Variants in LRRTM4 observed in about 807,000 individuals in gnomAD.
LRRTM4 encodes the protein leucine rich repeat transmembrane neuronal 4, also known as leucine-rich repeat transmembrane neuronal protein 4.
Under a neutral mutation model 47.6 loss-of-function variants are expected in LRRTM4, and 25 were observed. That is an observed-to-expected ratio of 0.53 (90% confidence interval 0.38 to 0.73). The LOEUF (loss-of-function observed/expected upper bound fraction) is 0.73. LRRTM4 is among the 30% of genes least tolerant of loss of function. LRRTM4 has a pLI of 0.00. For synonymous variants in LRRTM4, 311 were observed against 269.5 expected, an observed-to-expected ratio of 1.15 and a Z score of -1.51; for missense variants, 638 against 713.4, an observed-to-expected ratio of 0.89 and a Z score of 1.20.
intron 3 of LRRTM4, among the ~76,000 whole-genome samples, chr2:76,797,675 T>G (rs1249489550): frequency 6.6e-6 from 1 of 151,366 alleles, no homozygotes; most frequent in Admixed American, 6.6e-5. Flanking sequence ...ACTGGCAAAT[T>G]GGATAAAGAG....
At position 77,310,927 on chromosome 2, in the gene LRRTM4, CA is replaced by C. The variant is rs201523928; in HGVS notation, c.1551+207390del. 2.2e-4 allele frequency among the ~76,000 whole-genome samples: 34 copies of C among 151,948 alleles called. No individual in the cohort carries two copies. In the East Asian group the frequency reaches 6.2e-3, roughly 28 times the overall value. On this transcript the variant is annotated intron_variant, in intron 3 of 3. Coordinates refer to ENST00000409884, the MANE Select transcript of LRRTM4 (RefSeq NM_001134745.3). ...TGTGAGATATATTTACACACATACACACACATATATATAGAGAGAATATTAT... is the reference window on the plus strand; with the variant it reads ...TGTGAGATATATTTACACACATACACCACATATATATAGAGAGAATATTAT...
At chr2:76,902,297 G>C (rs1055231266) in intron 3 of LRRTM4, among the ~76,000 whole-genome samples, 1 of 152,000 alleles carries the variant, frequency 6.6e-6, no homozygotes, top group African/African-American at 2.4e-5. Context: ...GAAATCATTT[G>C]TGTTTTTCCC....
At chr2:76,821,105 G>A (rs757167481) in intron 3 of LRRTM4, among the ~76,000 whole-genome samples, 1 of 151,710 alleles carries the variant, frequency 6.6e-6, no homozygotes, top group Non-Finnish European at 1.5e-5. Context: ...AAAACCATAA[G>A]AGGGAGAGTG....
At position 76,991,187 on chromosome 2, in the gene LRRTM4, G is replaced by C. The variant is rs529885708; in HGVS notation, c.1552-242271C>G. Among the ~76,000 whole-genome samples the C allele has an allele frequency of 7.9e-5, 12 of 151,690 alleles. 1 individual carries two copies. The East Asian group carries it at 2.3e-3, about 29-fold the overall frequency. On this transcript the variant is annotated intron_variant, in intron 3 of 3. Coordinates refer to ENST00000409884, the MANE Select transcript of LRRTM4 (RefSeq NM_001134745.3). ...TTTTAGTCATAGATGCCTACATCAA[G>C]AAGTTAGAAAGATCTCAAATTAATG...
At chr2:77,386,256 A>C (rs1435067217) in intron 3 of LRRTM4, among the ~76,000 whole-genome samples, 2 of 152,198 alleles carry the variant, frequency 1.3e-5, no homozygotes, top group Admixed American at 1.3e-4. Context: ...TGATTTTATA[A>C]ATTTATACAT....
chr2:76,947,545 A>C (rs1487390391), intron 3 of LRRTM4, among the ~76,000 whole-genome samples: 1 of 151,816 alleles, frequency 6.6e-6, no homozygotes. Context: ...ATGTATGTTA[A>C]ACTCCATCTT....
At chr2:77,103,482 G>A (rs961816903) in intron 3 of LRRTM4, among the ~76,000 whole-genome samples, 11 of 151,828 alleles carry the variant, frequency 7.2e-5, no homozygotes, top group African/African-American at 2.4e-4. Flanking sequence ...GCACTTGTTC[G>A]CTGAGCATGT....
chr2:77,068,838 G>C (rs928135597), intron 3 of LRRTM4, among the ~76,000 whole-genome samples: 21 of 152,192 alleles, frequency 1.4e-4, no homozygotes, highest in Middle Eastern at 3.2e-3. Context: ...TAAGGCCTAC[G>C]CTGGAAGGTT....
intron 3 of LRRTM4, among the ~76,000 whole-genome samples, chr2:77,068,859 C>T (rs188007648): frequency 2.1e-3 from 317 of 152,268 alleles, no homozygotes; most frequent in Non-Finnish European, 3.8e-3. Context: ...GTGGGTTTAC[C>T]GGAATGAGGG....
intron 3 of LRRTM4, among the ~76,000 whole-genome samples, chr2:77,437,352 A>G (rs1041808634): frequency 6.6e-6 from 1 of 152,022 alleles, no homozygotes; most frequent in African/African-American, 2.4e-5. Context: ...TCAACCCTCT[A>G]ATGAACTCTA....
chr2:76,844,656 G>A (rs1671787046), intron 3 of LRRTM4, among the ~76,000 whole-genome samples: 1 of 152,114 alleles, frequency 6.6e-6, no homozygotes, highest in Non-Finnish European at 1.5e-5. Flanking sequence ...AAACTACTGA[G>A]TCTCAATTCT....
intron 3 of LRRTM4, among the ~76,000 whole-genome samples, chr2:76,848,140 G>A (rs559644235): frequency 6.6e-6 from 1 of 152,032 alleles, no homozygotes; most frequent in South Asian, 2.1e-4. Flanking sequence ...GGAGTGAAGG[G>A]GTAGAAAACA....
At chr2:76,992,353 CTGA>C (rs1341443119) in intron 3 of LRRTM4, among the ~76,000 whole-genome samples, 1 of 151,646 alleles carries the variant, frequency 6.6e-6, no homozygotes, top group African/African-American at 2.4e-5. Flanking sequence ...ATCTGTTTTG[CTGA>C]TGATATGATT....
At chr2:76,958,878 C>A (rs1675762729) in intron 3 of LRRTM4, among the ~76,000 whole-genome samples, 1 of 151,628 alleles carries the variant, frequency 6.6e-6, no homozygotes, top group Non-Finnish European at 1.5e-5. Flanking sequence ...CCTCAAACAC[C>A]ACCACCCAAG....
intron 3 of LRRTM4, among the ~76,000 whole-genome samples, chr2:77,052,558 C>G (rs527707176): frequency 2.0e-5 from 3 of 152,046 alleles, no homozygotes; most frequent in South Asian, 2.1e-4. Flanking sequence ...AAAGTCTCCT[C>G]CCATCTTTCA....
chr2:77,059,426 A>C (rs1301484550), intron 3 of LRRTM4, among the ~76,000 whole-genome samples: 1 of 151,840 alleles, frequency 6.6e-6, no homozygotes, highest in Non-Finnish European at 1.5e-5. Flanking sequence ...ACCAAATAAC[A>C]AGAAACTAAA....
At chr2:77,425,196 G>A (rs898536729) in intron 3 of LRRTM4, among the ~76,000 whole-genome samples, 26 of 151,934 alleles carry the variant, frequency 1.7e-4, no homozygotes, top group Admixed American at 1.6e-3. Context: ...GAAAATTAAG[G>A]ACCAAGTTAG....
intron 3 of LRRTM4, among the ~76,000 whole-genome samples, chr2:76,802,288 T>C (rs1265102535): frequency 1.4e-5 from 2 of 148,134 alleles, no homozygotes; most frequent in Non-Finnish European, 3.0e-5. Flanking sequence ...TTGTAGGATA[T>C]AACAGCAAAA....
intron 3 of LRRTM4, among the ~76,000 whole-genome samples, chr2:77,258,698 TTGTTAAA>T (rs1675835863): frequency 6.6e-6 from 1 of 151,990 alleles, no homozygotes; most frequent in East Asian, 1.9e-4. Context: ...TTCAGGAAAA[TTGTTAAA>T]AACTTGGAAA....
Sources: gnomAD v4.1 joint callset for allele counts (sites outside exome capture counted in the v4.1 genomes callset) on GRCh38, gnomAD v4.1.1 for gene constraint, MANE v1.5 for transcripts, NCBI Gene and HGNC (gene_info 2026-07-23, HGNC 2026-07-21) for gene names.